The following SEPTIN9 variants were observed in gnomAD, a reference collection of about 807,000 sequenced individuals.
The protein encoded by SEPTIN9 is septin 9.
SEPTIN9 carries 13 observed loss-of-function variants against 56.6 expected under a neutral mutation model. The observed-to-expected ratio is 0.23, with a 90% confidence interval of 0.15 to 0.37. The LOEUF (loss-of-function observed/expected upper bound fraction) is 0.37. SEPTIN9 is among the 10% of genes least tolerant of loss of function. The pLI is 1.00. For missense variants in SEPTIN9, 650 were observed against 823.1 expected (o/e 0.79, Z 2.57); for synonymous variants, 332 against 334.1 (o/e 0.99, Z 0.07).
Position 77,363,488 on chromosome 17 carries a change from A to T in SEPTIN9, c.77-38571A>T, listed in dbSNP as rs1460806413. Among the ~76,000 whole-genome samples the T allele has an allele frequency of 2.1e-5, 3 of 145,658 alleles. No homozygotes were observed. The East Asian group carries it at 6.2e-4, about 30-fold the overall frequency. On this transcript the variant is annotated intron_variant, in intron 2 of 11. Transcript: ENST00000427177. ...CTACCACCTCTGCCTCCTGCGTTCA[A>T]GCAATCCTCCTGCCTCAGCCTCCTG... is the stretch of plus-strand genomic sequence containing the variant.
chr17:77,498,262 G>A (rs2040357458), intron 11 of SEPTIN9, among the ~76,000 whole-genome samples: 1 of 152,074 alleles, frequency 6.6e-6, no homozygotes, highest in Non-Finnish European at 1.5e-5. Context: ...GGACCCAGAG[G>A]GAGACACATG....
At chr17:77,431,000 AAAAAG>A (rs201965989) in intron 3 of SEPTIN9, among the ~76,000 whole-genome samples, 9,279 of 151,728 alleles carry the variant, frequency 0.061, 660 homozygotes, top group East Asian at 0.17. Context: ...CAAAAAAAAA[AAAAAG>A]AAGAAGAACA....
Position 77,319,870 on chromosome 17 carries a change from T to A in SEPTIN9, c.76+12673T>A. On this transcript the variant is annotated intron_variant, in intron 2 of 11. Transcript: ENST00000427177. The surrounding 1 kb of genome is among the most constrained non-coding windows in gnomAD (Gnocchi z 5.3). Reference sequence around the variant, plus strand: ...GGATATTAAAAAGGAGCAGCAAGCCTCGGGGCGGCGGGGGCTGGAGGAGGT... The same window carrying A: ...GGATATTAAAAAGGAGCAGCAAGCCACGGGGCGGCGGGGGCTGGAGGAGGT... 9.1e-7 allele frequency: 1 copy of A among 1,095,822 alleles called. No individual in the cohort carries two copies. 67.9% of individuals were successfully genotyped at this position (1,095,822 alleles called of 1,614,324 possible).
At chr17:77,372,215 G>A (rs762883975) in intron 2 of SEPTIN9, among the ~76,000 whole-genome samples, 9 of 152,244 alleles carry the variant, frequency 5.9e-5, no homozygotes, top group Non-Finnish European at 1.3e-4. Context: ...CGGGGTGACA[G>A]GGAGAGCATG....
chr17:77,448,204 G>A (rs1268266821), intron 3 of SEPTIN9, among the ~76,000 whole-genome samples: 1 of 152,224 alleles, frequency 6.6e-6, no homozygotes, highest in Non-Finnish European at 1.5e-5. Context: ...TGGGCGTGGT[G>A]GCTCACGCGT....
At chr17:77,417,689 C>G (rs1458474719) in intron 3 of SEPTIN9, among the ~76,000 whole-genome samples, 4 of 152,198 alleles carry the variant, frequency 2.6e-5, no homozygotes, top group African/African-American at 4.8e-5. Flanking sequence ...TACGCAGGAG[C>G]CATTCCTTTT....
At chr17:77,455,631 C>A (rs925941271) in intron 3 of SEPTIN9, among the ~76,000 whole-genome samples, 2 of 152,206 alleles carry the variant, frequency 1.3e-5, no homozygotes, top group Admixed American at 1.3e-4. Flanking sequence ...TGAACCTGCA[C>A]GCCCCCTCCA....
intron 3 of SEPTIN9, among the ~76,000 whole-genome samples, chr17:77,459,216 C>T (rs2038350570): frequency 6.6e-6 from 1 of 152,226 alleles, no homozygotes; most frequent in Non-Finnish European, 1.5e-5. Flanking sequence ...CCTTAGCTGT[C>T]CTTAACCATT....
At position 77,475,572 on chromosome 17, in the gene SEPTIN9, G is replaced by A. The variant is rs751383625; in HGVS notation, c.722-6572G>A. 3 of 1,613,396 alleles carry A rather than the reference G, an allele frequency of 1.9e-6. No homozygotes were observed. Among genetic ancestry groups the A allele is most frequent in the South Asian group, 1.1e-5 (1 of 91,070 alleles). On this transcript the variant is annotated intron_variant, in intron 3 of 11. Transcript: ENST00000427177. The surrounding 1 kb of genome is among the most constrained non-coding windows in gnomAD (Gnocchi z 4.6). ...AGGTGGCCGTAGGGCTGCCGCAGGG[G>A]TGCTGGCCCCAGGGTCTGGATTCAG...
At position 77,492,598 on chromosome 17, in the gene SEPTIN9, A is replaced by T; in HGVS notation, c.1381-23A>T. On this transcript the variant is annotated intron_variant, in intron 8 of 11. Transcript: ENST00000427177. The surrounding 1 kb of genome is among the most constrained non-coding windows in gnomAD (Gnocchi z 5.4). The stretch of plus-strand genomic sequence containing the variant: ...TAGAGCTTGCCACAGGGATGGGCCC[A>T]TCTCTCTCCCTCCTTATCCCAGATC... 8.1e-6 allele frequency: 13 copies of T among 1,608,704 alleles called. No homozygotes were observed. The highest frequency in any genetic ancestry group is 9.4e-6 in the Non-Finnish European group (11 of 1,175,330).
chr17:77,359,304 G>A (rs183045417), intron 2 of SEPTIN9, among the ~76,000 whole-genome samples: 33 of 152,336 alleles, frequency 2.2e-4, no homozygotes, highest in Admixed American at 1.4e-3. Context: ...TGCACTGATA[G>A]CTCTCTTTGT....
chr17:77,316,704 CTTT>C (rs775155993), intron 2 of SEPTIN9, among the ~76,000 whole-genome samples: 1 of 137,918 alleles, frequency 7.3e-6, no homozygotes, highest in African/African-American at 2.6e-5. Context: ...TCTTCCTCTT[CTTT>C]TTTTTTTTTT....
At chr17:77,466,570 C>T (rs2038742723) in intron 3 of SEPTIN9, 1 of 985,660 alleles carries the variant, frequency 1.0e-6, no homozygotes, top group Non-Finnish European at 1.2e-6. Context: ...AGTAGGTCAA[C>T]CCCAGGCCCT....
At chr17:77,423,202 A>T (rs1357559188) in intron 3 of SEPTIN9, among the ~76,000 whole-genome samples, 1 of 151,838 alleles carries the variant, frequency 6.6e-6, no homozygotes, top group Non-Finnish European at 1.5e-5. Flanking sequence ...CACCTGGCTA[A>T]TTTTTGTATT....
intron 3 of SEPTIN9, among the ~76,000 whole-genome samples, chr17:77,406,398 G>C (rs2036074835): frequency 6.6e-6 from 1 of 151,920 alleles, no homozygotes; most frequent in South Asian, 2.1e-4. Context: ...CCTCGTGTTT[G>C]GCTTGGGATA....
At chr17:77,381,231 C>A (rs405278) in intron 2 of SEPTIN9, among the ~76,000 whole-genome samples, 1 of 152,202 alleles carries the variant, frequency 6.6e-6, no homozygotes, top group Non-Finnish European at 1.5e-5. Flanking sequence ...ATCTTTCTTT[C>A]TGGTGGGAAG....
chr17:77,475,255 G>GGGGA lies in SEPTIN9; in HGVS notation c.722-6887_722-6884dup. 7.3e-7 allele frequency: 1 copy of GGGGA among 1,378,542 alleles called. No individual in the cohort carries two copies. The highest frequency in any genetic ancestry group is 9.4e-7 in the Non-Finnish European group (1 of 1,067,014). 85.4% of individuals were successfully genotyped at this position (1,378,542 alleles called of 1,614,324 possible). A position where few individuals can be genotyped will look rare whatever the true frequency, so the allele number is the denominator to read the frequency against. On this transcript the variant is annotated intron_variant, in intron 3 of 11. Transcript: ENST00000427177. This position sits in a 1 kb window ranked among gnomAD's most constrained non-coding sequence, Gnocchi z 4.6. ...CACATCATTATTCAGTTACCATCGT[G>GGGGA]GGGAGACTGTCTGGACGCAGAGAGC...
intron 2 of SEPTIN9, among the ~76,000 whole-genome samples, chr17:77,368,773 A>G (rs1278677855): frequency 6.6e-6 from 1 of 152,236 alleles, no homozygotes; most frequent in African/African-American, 2.4e-5. Context: ...TATTTAAAAC[A>G]AAAGATAATA....
intron 3 of SEPTIN9, among the ~76,000 whole-genome samples, chr17:77,452,283 A>G (rs1373890187): frequency 1.3e-5 from 2 of 150,418 alleles, no homozygotes; most frequent in Non-Finnish European, 2.9e-5. Context: ...ATGCTGGGAG[A>G]ACCCCAGAGA....
Sources: gnomAD v4.1 joint callset for allele counts (sites outside exome capture counted in the v4.1 genomes callset) on GRCh38, gnomAD v4.1.1 for gene constraint, Gnocchi (gnomAD v3.1) non-coding constraint, MANE v1.5 for transcripts, NCBI Gene and HGNC (gene_info 2026-07-23, HGNC 2026-07-21) for gene names.